The following WWOX variants were observed in gnomAD, a reference collection of about 807,000 sequenced individuals.
The protein encoded by WWOX is WW domain-containing oxidoreductase.
In WWOX, 69 loss-of-function variants were observed where a neutral mutation model predicts 46.2. That is an observed-to-expected ratio of 1.49 (90% CI 1.23 to 1.82). The LOEUF (loss-of-function observed/expected upper bound fraction) is 1.82, where lower values mean the gene tolerates loss of function less well. Ranked by LOEUF, WWOX falls within the 40% of genes most tolerant of loss-of-function variation. WWOX has a pLI of 0.00. For missense variants in WWOX, 919 were observed against 542.6 expected, an observed-to-expected ratio of 1.69 and a Z score of -6.89; for synonymous variants, 359 against 202.6, an observed-to-expected ratio of 1.77 and a Z score of -6.56.
At chr16:78,353,229 T>A (rs935805468) in intron 5 of WWOX, among the ~76,000 whole-genome samples, 1 of 152,182 alleles carries the variant, frequency 6.6e-6, no homozygotes, top group African/African-American at 2.4e-5. Flanking sequence ...TGAGATTGTT[T>A]ATGTAGGGGC....
At chr16:79,121,505 G>T (rs1228890046) in intron 8 of WWOX, among the ~76,000 whole-genome samples, 1 of 152,188 alleles carries the variant, frequency 6.6e-6, no homozygotes, top group Non-Finnish European at 1.5e-5. Context: ...TGTTTACGGG[G>T]CTGTGGGATG....
chr16:78,907,998 G>T (rs894651951), intron 8 of WWOX, among the ~76,000 whole-genome samples: 2 of 152,162 alleles, frequency 1.3e-5, no homozygotes, highest in African/African-American at 4.8e-5. Context: ...AAGGAATTTC[G>T]AGTTTATCTC....
chr16:78,307,049 C>T (rs894559779), intron 5 of WWOX, among the ~76,000 whole-genome samples: 5 of 152,190 alleles, frequency 3.3e-5, no homozygotes, highest in African/African-American at 1.2e-4. Flanking sequence ...AGTTAGCAAC[C>T]CATTAATAAC....
At chr16:78,355,016 C>T (rs900144910) in intron 5 of WWOX, among the ~76,000 whole-genome samples, 9 of 152,070 alleles carry the variant, frequency 5.9e-5, no homozygotes, top group Admixed American at 1.3e-4. Flanking sequence ...TCTGTAGTCA[C>T]AGCTACTTGG....
At chr16:79,050,200 C>T (rs770058284) in intron 8 of WWOX, among the ~76,000 whole-genome samples, 7 of 152,164 alleles carry the variant, frequency 4.6e-5, no homozygotes, top group African/African-American at 7.2e-5. Context: ...GCTTGGCTGC[C>T]CTGCCCTACT....
chr16:78,899,693 C>G (rs2044781106), intron 8 of WWOX: 1 of 152,186 alleles, frequency 6.6e-6, no homozygotes, highest in South Asian at 2.1e-4. Flanking sequence ...CAGAACGGCT[C>G]TACTTCTTCA....
chr16:78,232,128 T>TAAA, intron 5 of WWOX, among the ~76,000 whole-genome samples: 1 of 151,718 alleles, frequency 6.6e-6, no homozygotes, highest in African/African-American at 2.4e-5. Context: ...TTATTTTTTT[T>TAAA]AAAAAAATGA....
chr16:78,761,156 T>G (rs1413315402), intron 8 of WWOX, among the ~76,000 whole-genome samples: 1 of 152,154 alleles, frequency 6.6e-6, no homozygotes, highest in African/African-American at 2.4e-5. Flanking sequence ...GGCTGTTTCT[T>G]GTTGTGTTCT....
intron 5 of WWOX, among the ~76,000 whole-genome samples, chr16:78,193,912 C>T (rs937585485): frequency 1.2e-4 from 18 of 151,374 alleles, no homozygotes; most frequent in African/African-American, 3.6e-4. Context: ...GACTCTCGCA[C>T]TGTCGCCCAG....
intron 8 of WWOX, among the ~76,000 whole-genome samples, chr16:79,133,010 G>C (rs1033674070): frequency 6.6e-6 from 1 of 152,168 alleles, no homozygotes; most frequent in African/African-American, 2.4e-5. Context: ...CAGGCACACA[G>C]CTCTGTGAGA....
intron 5 of WWOX, among the ~76,000 whole-genome samples, chr16:78,374,525 GAATTTTTTTTTTTT>G (rs2081769522): frequency 1.1e-5 from 1 of 95,014 alleles, no homozygotes; most frequent in Non-Finnish European, 2.0e-5. Flanking sequence ...TTTCTGTCTT[GAATTTTTTTTTTTT>G]TTTTTTTTTT....
chr16:79,172,681 C>T lies in WWOX; in HGVS notation c.1057-38927C>T, dbSNP rs184843196. Among the ~76,000 whole-genome samples, 49 of 152,160 alleles carry T rather than the reference C, an allele frequency of 3.2e-4. No individual in the cohort carries two copies. The East Asian group carries it at 6.8e-3, about 21-fold the overall frequency. On this transcript the variant is annotated intron_variant, in intron 8 of 8. Transcript: ENST00000566780. ...AGGTGTTTTTTTGTTTGTGTGCACG[C>T]GCACGTATGTGTGTGTGTAAAAAGG...
At chr16:79,060,954 A>C (rs1319047181) in intron 8 of WWOX, among the ~76,000 whole-genome samples, 2 of 152,232 alleles carry the variant, frequency 1.3e-5, no homozygotes, top group African/African-American at 4.8e-5. Context: ...TCACTGATGG[A>C]AAAACAAGCA....
intron 1 of WWOX, 176 bp downstream of exon 1, chr16:78,100,061 G>A (rs1321299330): frequency 5.0e-6 from 7 of 1,403,662 alleles, no homozygotes; most frequent in Non-Finnish European, 5.6e-6. Flanking sequence ...CGGCCCCCTT[G>A]GTGGGCCTCG....
At chr16:78,838,012 G>A (rs373572221) in intron 8 of WWOX, among the ~76,000 whole-genome samples, 1 of 152,152 alleles carries the variant, frequency 6.6e-6, no homozygotes, top group East Asian at 1.9e-4. Context: ...ACCTCCCAAG[G>A]CTATTCTCAT....
intron 8 of WWOX, among the ~76,000 whole-genome samples, chr16:78,827,573 C>T (rs2051692896): frequency 6.6e-6 from 1 of 152,052 alleles, no homozygotes; most frequent in Non-Finnish European, 1.5e-5. Context: ...TAGCTCATGC[C>T]TGTAATCCCA....
At chr16:78,383,022 G>A (rs769923593) in intron 5 of WWOX, among the ~76,000 whole-genome samples, 1 of 150,958 alleles carries the variant, frequency 6.6e-6, no homozygotes, top group Non-Finnish European at 1.5e-5. Flanking sequence ...GACGAATAGG[G>A]GGAGGTGATA....
chr16:78,890,596 A>C (rs938856186), intron 8 of WWOX: 1 of 152,188 alleles, frequency 6.6e-6, no homozygotes, highest in East Asian at 1.9e-4. Context: ...AGGGGAACAA[A>C]TTAAGAGAGA....
chr16:78,311,115 C>T (rs2080234392), intron 5 of WWOX, among the ~76,000 whole-genome samples: 1 of 152,050 alleles, frequency 6.6e-6, no homozygotes, highest in Non-Finnish European at 1.5e-5. Context: ...TACCAGACAT[C>T]CTGTGGGTTA....
Sources: gnomAD v4.1 joint callset for allele counts (sites outside exome capture counted in the v4.1 genomes callset) on GRCh38, gnomAD v4.1.1 for gene constraint, MANE v1.5 for transcripts, NCBI Gene and HGNC (gene_info 2026-07-23, HGNC 2026-07-21) for gene names.